WDR33: variants seen among roughly 807,000 people sequenced by gnomAD.
The protein encoded by WDR33 is pre-mRNA 3' end processing protein WDR33.
Under a neutral mutation model 164.9 loss-of-function variants are expected in WDR33, and 47 were observed. The ratio of observed to expected loss-of-function variants is 0.29; its 90% CI spans 0.23 to 0.36. The LOEUF (loss-of-function observed/expected upper bound fraction) is 0.36, where lower values mean the gene tolerates loss of function less well. Ranked by LOEUF, WDR33 falls within the 10% of genes least tolerant of loss-of-function variation. The pLI is 1.00. For synonymous variants in WDR33, 505 were observed against 589.0 expected, an observed-to-expected ratio of 0.86 and a Z score of 2.06; for missense variants, 1,137 against 1,754.1, an observed-to-expected ratio of 0.65 and a Z score of 6.28.
chr2:127,800,176 C>T (rs1689184980), intron 1 of WDR33, among the ~76,000 whole-genome samples: 1 of 152,160 alleles, frequency 6.6e-6, no homozygotes, highest in African/African-American at 2.4e-5. Context: ...GAACTGAAAG[C>T]ATTATGTCCA....
Position 127,724,037 on chromosome 2 carries a change from C to G in WDR33, c.1196+296G>C, listed in dbSNP as rs1686504872. ...AGGCTATAGTGAGCTGAGACCGCAC[C>G]ATTGCACGCCAGCCTGGACAGAGAC... is the stretch of plus-strand genomic sequence containing the variant. On this transcript the variant is annotated intron_variant, in intron 11 of 21. Transcript: ENST00000322313. The surrounding 1 kb of genome is among the most constrained non-coding windows in gnomAD (Gnocchi z 4.8). Among the ~76,000 whole-genome samples, 2 of 151,702 alleles carry G rather than the reference C, an allele frequency of 1.3e-5. No individual in the cohort carries two copies. Among genetic ancestry groups the G allele is most frequent in the Admixed American group, 6.6e-5 (1 of 15,230 alleles).
At chr2:127,766,837 T>C (rs1687837954) in intron 4 of WDR33, among the ~76,000 whole-genome samples, 1 of 152,066 alleles carries the variant, frequency 6.6e-6, no homozygotes, top group African/African-American at 2.4e-5. Flanking sequence ...TGGCACAATC[T>C]AGGCTCACTG....
intron 7 of WDR33, among the ~76,000 whole-genome samples, chr2:127,753,425 C>T (rs1687429093): frequency 6.6e-6 from 1 of 152,118 alleles, no homozygotes; most frequent in Non-Finnish European, 1.5e-5. Flanking sequence ...TCTGAAATAA[C>T]CACTTTTATC....
chr2:127,748,200 C>CA (rs1335312231), intron 7 of WDR33, among the ~76,000 whole-genome samples: 1 of 152,162 alleles, frequency 6.6e-6, no homozygotes, highest in Non-Finnish European at 1.5e-5. Context: ...ACCTTCCCCC[C>CA]AAAATTATCC....
At chr2:127,756,256 C>G (rs1247116113) in intron 7 of WDR33, among the ~76,000 whole-genome samples, 2 of 150,892 alleles carry the variant, frequency 1.3e-5, no homozygotes, top group Non-Finnish European at 2.9e-5. Flanking sequence ...ATTGCTTGAA[C>G]CCGGGAGGCA....
At chr2:127,711,506 G>A (rs1008443819) in intron 18 of WDR33, among the ~76,000 whole-genome samples, 4 of 150,012 alleles carry the variant, frequency 2.7e-5, no homozygotes, top group African/African-American at 4.9e-5. Flanking sequence ...TGAACATTAC[G>A]CAGATGTAAA....
At position 127,764,765 on chromosome 2, in the gene WDR33, C is replaced by T. The variant is rs376697112; in HGVS notation, c.626+63G>A. The T allele has an allele frequency of 5.6e-6, 9 of 1,614,084 alleles. No individual in the cohort carries two copies. The highest frequency in any genetic ancestry group is 7.6e-6 in the Non-Finnish European group (9 of 1,180,036). ...CCCATGCATCTCTGCACCCAGAATA[C>T]ACTTAGAGAATAATTTAACCATGAC... is the stretch of plus-strand genomic sequence containing the variant. On this transcript the variant is annotated intron_variant, in intron 6 of 21. Transcript: ENST00000322313. This position sits in a 1 kb window ranked among gnomAD's most constrained non-coding sequence, Gnocchi z 6.2.
At chr2:127,729,910 A>G (rs1686661948) in intron 7 of WDR33, among the ~76,000 whole-genome samples, 1 of 152,342 alleles carries the variant, frequency 6.6e-6, no homozygotes, top group South Asian at 2.1e-4. Flanking sequence ...AAAATATATG[A>G]AAAAAGTATG....
chr2:127,720,685 C>T lies in WDR33; in HGVS notation c.1672-332G>A, dbSNP rs1463890045. On this transcript the variant is annotated intron_variant, in intron 15 of 21. Coordinates refer to ENST00000322313, the MANE Select transcript of WDR33 (RefSeq NM_018383.5). This position sits in a 1 kb window ranked among gnomAD's most constrained non-coding sequence, Gnocchi z 5.9. ...GCTCAAGTGATCCTCCCACCTCGGC[C>T]TCCGGAGTAGCTGGGACTACAGGCA... is the stretch of plus-strand genomic sequence containing the variant. 1.3e-5 allele frequency among the ~76,000 whole-genome samples: 2 copies of T among 152,106 alleles called. No homozygotes were observed. The highest frequency in any genetic ancestry group is 2.9e-5 in the Non-Finnish European group (2 of 68,016).
At chr2:127,774,553 G>C (rs1450658928) in intron 1 of WDR33, among the ~76,000 whole-genome samples, 1 of 151,820 alleles carries the variant, frequency 6.6e-6, no homozygotes, top group Non-Finnish European at 1.5e-5. Flanking sequence ...TATGCTGCCA[G>C]GCGCGGCGGC....
chr2:127,724,577 CAT>C lies in WDR33; in HGVS notation c.1086-136_1086-135del, dbSNP rs371131194. The C allele has an allele frequency of 5.2e-6, 4 of 770,590 alleles. No individual in the cohort carries two copies. 47.7% of individuals were successfully genotyped at this position (770,590 alleles called of 1,614,324 possible). A position where few individuals can be genotyped will look rare whatever the true frequency, so the allele number is the denominator to read the frequency against. ...TGGACTTGGACTCTGGTGAATTCCA[CAT>C]GTCTCGGGGTATTGGCTTGTCATTG... On this transcript the variant is annotated intron_variant, in intron 10 of 21. Transcript: ENST00000322313. This position sits in a 1 kb window ranked among gnomAD's most constrained non-coding sequence, Gnocchi z 4.8.
At position 127,726,707 on chromosome 2, in the gene WDR33, A is replaced by G; in HGVS notation, c.795T>C (p.Asp265=). Residue 265 remains aspartate, a synonymous_variant, in exon 8 of 22, where the codon GAT becomes GAC. Coordinates refer to ENST00000322313, the MANE Select transcript of WDR33 (RefSeq NM_018383.5). The surrounding 1 kb of genome is among the most constrained non-coding windows in gnomAD (Gnocchi z 4.8). ...CCCAGAACTTGATTGGCTGTTGACT[A>G]TCTTTACTTCCTGAAACAACTAACC... ...TKGLVVSGSK[D]SQQPIKFWDP... The G allele has an allele frequency of 6.2e-7, 1 of 1,614,226 alleles. No individual in the cohort carries two copies. The highest frequency in any genetic ancestry group is 8.5e-7 in the Non-Finnish European group (1 of 1,180,038).
intron 1 of WDR33, among the ~76,000 whole-genome samples, chr2:127,771,872 G>T (rs1214374401): frequency 6.6e-6 from 1 of 152,094 alleles, no homozygotes; most frequent in Non-Finnish European, 1.5e-5. Flanking sequence ...ATTCAGCCTC[G>T]TGAAGAAAAA....
intron 1 of WDR33, among the ~76,000 whole-genome samples, chr2:127,771,802 A>AGGGG: frequency 9.0e-6 from 1 of 110,972 alleles, no homozygotes; most frequent in African/African-American, 3.4e-5. Context: ...GGAGGGAGGG[A>AGGGG]GGGAGGGGGC....
chr2:127,788,548 C>T (rs1573463871), intron 1 of WDR33, among the ~76,000 whole-genome samples: 12 of 122,240 alleles, frequency 9.8e-5, no homozygotes, highest in East Asian at 2.5e-4. Context: ...CCCTCCCGGA[C>T]GGGGTGGCTG....
rs1335087987 is a variant in WDR33, at chr2:127,713,715, C to T, written c.3176G>A (p.Arg1059Lys). The T allele has an allele frequency of 6.2e-7, 1 of 1,614,248 alleles. No individual in the cohort carries two copies. Among genetic ancestry groups the T allele is most frequent in the Non-Finnish European group, 8.5e-7 (1 of 1,180,014 alleles). ...CCGGCCATCCCCCTCGCTGAATTCC[C>T]TGTGATCAGGGGGAAACGGAGGCCC... is the stretch of plus-strand genomic sequence containing the variant. ...GPGPPFPPDH[R>K]EFSEGDGRGA... The change falls in exon 18 of 22, where the codon AGG (arginine) becomes AAG (lysine). Residue 1059 changes from arginine to lysine, a missense_variant. Arg to Lys is a conservative substitution (Grantham distance 26, BLOSUM62 2). Transcript: ENST00000322313. The surrounding 1 kb of genome is among the most constrained non-coding windows in gnomAD (Gnocchi z 6.2).
chr2:127,733,544 C>T (rs1011055458), intron 7 of WDR33, among the ~76,000 whole-genome samples: 5 of 152,058 alleles, frequency 3.3e-5, no homozygotes, highest in Non-Finnish European at 7.4e-5. Flanking sequence ...CTGCACTGTC[C>T]CATATGGCAC....
chr2:127,728,587 T>C (rs1686625149), intron 7 of WDR33, among the ~76,000 whole-genome samples: 1 of 152,204 alleles, frequency 6.6e-6, no homozygotes, highest in Non-Finnish European at 1.5e-5. Context: ...GAAAAATAAC[T>C]GAAGATGGAA....
At chr2:127,744,561 C>A (rs1168083291) in intron 7 of WDR33, among the ~76,000 whole-genome samples, 2 of 152,034 alleles carry the variant, frequency 1.3e-5, no homozygotes, top group Non-Finnish European at 2.9e-5. Flanking sequence ...AGATATACAC[C>A]AAGCTTCAAC....
Sources: allele counts gnomAD v4.1 joint callset (sites outside exome capture counted in the v4.1 genomes callset), GRCh38; gene constraint gnomAD v4.1.1; non-coding constraint Gnocchi (gnomAD v3.1); transcripts MANE v1.5; gene names NCBI Gene and HGNC (gene_info 2026-07-23, HGNC 2026-07-21).